PLEKHH1: variants seen among roughly 807,000 people sequenced by gnomAD.
PLEKHH1 encodes pleckstrin homology domain-containing family H member 1.
In PLEKHH1, 104 loss-of-function variants were observed where a neutral mutation model predicts 160.0. The observed-to-expected ratio is 0.65, with a 90% CI of 0.55 to 0.76. The LOEUF (loss-of-function observed/expected upper bound fraction) is 0.76. Ranked by LOEUF, PLEKHH1 falls within the 30% of genes least tolerant of loss-of-function variation. The pLI is 0.00. For missense variants in PLEKHH1, 1,427 were observed against 1,724.1 expected (o/e 0.83, Z 3.05); for synonymous variants, 619 against 678.4 (o/e 0.91, Z 1.36).
Position 67,573,371 on chromosome 14 carries a change from G to A in PLEKHH1, c.1824G>A (p.Met608Ile), listed in dbSNP as rs1242416446. Residue 608 changes from methionine to isoleucine, a missense_variant, in exon 12 of 29, where the codon ATG (methionine) becomes ATA (isoleucine). Coordinates refer to ENST00000329153, the MANE Select transcript of PLEKHH1 (RefSeq NM_020715.3). The surrounding 1 kb of genome is among the most constrained non-coding windows in gnomAD (Gnocchi z 4.8). ...TTGTCCTGAGACAGGGACAGATTATGTACTACAAGTCCCCGGTGAGAGTCT... is the reference window on the plus strand; with the variant it reads ...TTGTCCTGAGACAGGGACAGATTATATACTACAAGTCCCCGGTGAGAGTCT... ...RWFVLRQGQI[M>I]YYKSPSDVIR... is the part of the protein sequence containing the mutation. The A allele has an allele frequency of 6.2e-7, 1 of 1,603,178 alleles. No homozygotes were observed.
At chr14:67,546,858 G>C (rs1444414215) in intron 2 of PLEKHH1, among the ~76,000 whole-genome samples, 1 of 152,132 alleles carries the variant, frequency 6.6e-6, no homozygotes, top group Non-Finnish European at 1.5e-5. Context: ...GCAAAATCCT[G>C]TCTCAAAGGA....
intron 3 of PLEKHH1, among the ~76,000 whole-genome samples, chr14:67,556,932 G>C (rs979567227): frequency 6.6e-6 from 1 of 152,136 alleles, no homozygotes; most frequent in Non-Finnish European, 1.5e-5. Flanking sequence ...CTCCTAGGCT[G>C]TTTGTCCTGC....
At position 67,579,847 on chromosome 14, in the gene PLEKHH1, C is replaced by T. The variant is rs1478584368; in HGVS notation, c.3154C>T (p.Leu1052=). ...CACGGACGATCCCTCGGGCAGGGAC[C>T]TGGAGCACTGCCTGCAGGGAAGTGT... is the stretch of plus-strand genomic sequence containing the variant. ...LFTDDPSGRD[L]EHCLQGSVKI... Residue 1052 remains leucine (L), a synonymous_variant, in exon 22 of 29, where the codon CTG becomes TTG. Coordinates refer to ENST00000329153, the MANE Select transcript of PLEKHH1 (RefSeq NM_020715.3). 5.0e-6 allele frequency: 8 copies of T among 1,605,354 alleles called. No homozygotes were observed. The highest frequency in any genetic ancestry group is 6.8e-6 in the Non-Finnish European group (8 of 1,176,142).
intron 2 of PLEKHH1, among the ~76,000 whole-genome samples, chr14:67,549,427 C>A (rs1310387092): frequency 6.6e-6 from 1 of 152,002 alleles, no homozygotes; most frequent in Non-Finnish European, 1.5e-5. Flanking sequence ...CATGCCACCA[C>A]GCCCAGCTAA....
rs967436393 is a variant in PLEKHH1 at position 67,589,440 on chromosome 14, A to G, written c.*2205A>G. Reference sequence around the variant, plus strand: ...AGCTTTTGAACTGATATAAAAAAAAATGCTGAGTAACAGAAAAGTATTAAT... The same window carrying G: ...AGCTTTTGAACTGATATAAAAAAAAGTGCTGAGTAACAGAAAAGTATTAAT... On this transcript the variant is annotated 3_prime_UTR_variant, in exon 29 of 29. Transcript: ENST00000329153. The G allele has an allele frequency of 3.0e-6, 3 of 985,250 alleles. No homozygotes were observed. In the Admixed American group the frequency reaches 1.8e-4, roughly 61 times the overall value. The allele number at this position is 985,250 out of a possible 1,614,324, so 61.0% of individuals were successfully genotyped here.
In PLEKHH1 at chr14:67,587,948, C is replaced by G. The variant is rs1863726856; in HGVS notation, c.*713C>G. Reference sequence around the variant, plus strand: ...CTAAAATTTCCAATTCTCCTACACTCTGTCAGAAGCCTAGAACTCACTAAA... The same window carrying G: ...CTAAAATTTCCAATTCTCCTACACTGTGTCAGAAGCCTAGAACTCACTAAA... On this transcript the variant is annotated 3_prime_UTR_variant, in exon 29 of 29. Transcript: ENST00000329153. 6.5e-6 allele frequency: 1 copy of G among 152,680 alleles called. No homozygotes were observed. The highest frequency in any genetic ancestry group is 2.4e-5 in the African/African-American group (1 of 41,462). The allele number at this position is 152,680 out of a possible 1,614,324, so 9.5% of individuals were successfully genotyped here.
chr14:67,557,152 G>A (rs10873206), intron 3 of PLEKHH1, 117 bp from the exon 4 acceptor site: 51,145 of 736,876 alleles, frequency 0.069, 1,942 homozygotes, highest in African/African-American at 0.09. Context: ...CCTGGGTAAG[G>A]GCTGTGCCTG....
chr14:67,535,623 G>T (rs996230319), intron 1 of PLEKHH1, among the ~76,000 whole-genome samples: 1 of 151,862 alleles, frequency 6.6e-6, no homozygotes, highest in African/African-American at 2.4e-5. Flanking sequence ...CAGGTAAGCC[G>T]CCTGCCTCCA....
chr14:67,582,140 G>A lies in PLEKHH1; in HGVS notation c.3356G>A (p.Arg1119Lys). Residue 1119 changes from arginine to lysine, a missense_variant, in exon 24 of 29, where the codon AGA (arginine) becomes AAA (lysine). This residue lies in a region of PLEKHH1 where 436 missense variants were observed against 607.5 expected (regional missense o/e 0.72). Transcript: ENST00000329153. The surrounding 1 kb of genome is among the most constrained non-coding windows in gnomAD (Gnocchi z 5.0). ...CTGCTCCTTGCCTCTCAAACCAGTAGAGAGATAGTGGCAGGGAGGTTTCCT... is the reference window on the plus strand; with the variant it reads ...CTGCTCCTTGCCTCTCAAACCAGTAAAGAGATAGTGGCAGGGAGGTTTCCT... The part of the protein sequence containing the change: ...ERLLLASQTS[R>K]EIVAGRFPIN... 3.1e-6 allele frequency: 5 copies of A among 1,613,782 alleles called. No homozygotes were observed. Among genetic ancestry groups the A allele is most frequent in the Non-Finnish European group, 4.2e-6 (5 of 1,179,844 alleles).
chr14:67,568,326 C>A (rs2035205517), intron 7 of PLEKHH1, among the ~76,000 whole-genome samples: 1 of 151,364 alleles, frequency 6.6e-6, no homozygotes, highest in African/African-American at 2.4e-5. Flanking sequence ...CCATTATCTT[C>A]AGCAAACTAA....
At chr14:67,543,332 T>C (rs1425450892) in intron 2 of PLEKHH1, among the ~76,000 whole-genome samples, 1 of 152,228 alleles carries the variant, frequency 6.6e-6, no homozygotes, top group Non-Finnish European at 1.5e-5. Context: ...ACTAGAACTC[T>C]TGAACCTTGG....
At chr14:67,572,722 C>G (rs568219134) in intron 11 of PLEKHH1, among the ~76,000 whole-genome samples, 72 of 152,276 alleles carry the variant, frequency 4.7e-4, no homozygotes, top group South Asian at 1.0e-3. Context: ...AGGCTCCAAG[C>G]TGTGCCACTA....
intron 1 of PLEKHH1, among the ~76,000 whole-genome samples, chr14:67,538,035 A>G (rs574786903): frequency 6.6e-6 from 1 of 152,330 alleles, no homozygotes; most frequent in East Asian, 1.9e-4. Context: ...TCGTAATTTT[A>G]GCGGGGTATT....
At position 67,572,290 on chromosome 14, in the gene PLEKHH1, A is replaced by ACGGGCGG. The variant is rs752643481; in HGVS notation, c.1728+14_1728+20dup. Reference sequence around the variant, plus strand: ...GGGCCTGGGCGGGGTGAGCCGGGAAACGGGCGGGGGCAGGGTGGAAGCAGA... The same window carrying ACGGGCGG: ...GGGCCTGGGCGGGGTGAGCCGGGAAACGGGCGGCGGGCGGGGGCAGGGTGGAAGCAGA... On this transcript the variant is annotated intron_variant, in intron 11 of 28. Transcript: ENST00000329153. The ACGGGCGG allele has an allele frequency of 1.3e-6, 2 of 1,577,258 alleles. No individual in the cohort carries two copies. The highest frequency in any genetic ancestry group is 1.7e-6 in the Non-Finnish European group (2 of 1,165,526).
intron 3 of PLEKHH1, 74 bp from the exon 4 acceptor site, chr14:67,557,195 C>A: frequency 7.7e-7 from 1 of 1,291,040 alleles, no homozygotes. Flanking sequence ...GACGGTGTCC[C>A]ATCCCACGTT....
rs749511603 is a variant in PLEKHH1, at chr14:67,562,315, T to C, written c.684T>C (p.Ser228=). The part of the protein sequence containing the change: ...PSPGALQSKD[S]VSEAASPLED... ...CAGGTGCCCTGCAGAGCAAGGACTC[T>C]GTTTCTGAAGCAGCAAGCCCCTTGG... The change falls in exon 7 of 29, where the codon TCT becomes TCC. Residue 228 remains serine (S), a synonymous_variant. Transcript: ENST00000329153. 1.2e-6 allele frequency: 2 copies of C among 1,613,980 alleles called. No individual in the cohort carries two copies. Among genetic ancestry groups the C allele is most frequent in the Non-Finnish European group, 1.7e-6 (2 of 1,179,880 alleles).
Position 67,572,129 on chromosome 14 carries a change from G to A in PLEKHH1, c.1586-6G>A, listed in dbSNP as rs769517339. The A allele has an allele frequency of 1.9e-5, 30 of 1,603,726 alleles. No homozygotes were observed. The highest frequency in any genetic ancestry group is 2.7e-5 in the African/African-American group (2 of 74,700). On this transcript the variant is annotated splice_region_variant and splice_polypyrimidine_tract_variant and intron_variant, in intron 10 of 28. Coordinates refer to ENST00000329153, the MANE Select transcript of PLEKHH1 (RefSeq NM_020715.3). ...CCCGGGCCTTGACTCCTCCTCCCTC[G>A]GCAAGGCGTCTCCATGTCCTCACTG...
At chr14:67,546,858 G>T (rs1444414215) in intron 2 of PLEKHH1, among the ~76,000 whole-genome samples, 1 of 152,132 alleles carries the variant, frequency 6.6e-6, no homozygotes, top group Non-Finnish European at 1.5e-5. Flanking sequence ...GCAAAATCCT[G>T]TCTCAAAGGA....
At chr14:67,583,715 G>C (rs1309504675) in intron 24 of PLEKHH1, 26 bp from the exon 25 acceptor site, 21 of 1,593,938 alleles carry the variant, frequency 1.3e-5, no homozygotes, top group Non-Finnish European at 1.8e-5. Context: ...GATTTTGACT[G>C]GTCTCTTCAT....
Sources: allele counts gnomAD v4.1 joint callset (sites outside exome capture counted in the v4.1 genomes callset), GRCh38; gene constraint gnomAD v4.1.1; regional missense constraint gnomAD v4.1.1; non-coding constraint Gnocchi (gnomAD v3.1); transcripts MANE v1.5; gene names NCBI Gene and HGNC (gene_info 2026-07-23, HGNC 2026-07-21).